The following CUBN variants were observed in gnomAD, a reference collection of about 807,000 sequenced individuals.
CUBN encodes the protein cubilin.
CUBN carries 282 observed loss-of-function variants against 405.3 expected under a neutral mutation model. That is an observed-to-expected ratio of 0.70 (90% CI 0.63 to 0.77). The LOEUF is 0.77. Among genes scored for constraint, CUBN ranks in the 30% least tolerant of loss-of-function variants. CUBN has a pLI of 0.00. For synonymous variants in CUBN, 1,684 were observed against 1,617.0 expected (o/e 1.04, Z -0.99); for missense variants, 4,514 against 4,475.2 (o/e 1.01, Z -0.25).
chr10:16,849,032 T>C (rs1476627779), intron 60 of CUBN, among the ~76,000 whole-genome samples: 2 of 152,062 alleles, frequency 1.3e-5, no homozygotes, highest in Non-Finnish European at 2.9e-5. Flanking sequence ...GAAAGGAGAA[T>C]TAAACTGGAA....
At chr10:17,043,778 C>T in intron 26 of CUBN, 49 bp downstream of exon 26, 1 of 1,582,146 alleles carries the variant, frequency 6.3e-7, no homozygotes, top group Non-Finnish European at 8.6e-7. Context: ...CTGGTATTCA[C>T]ACTTACTCTG....
intron 28 of CUBN, among the ~76,000 whole-genome samples, chr10:17,005,564 TTGTC>T (rs1376749083): frequency 3.3e-5 from 5 of 152,206 alleles, no homozygotes; most frequent in Non-Finnish European, 7.3e-5. Flanking sequence ...TCCCAGATAT[TTGTC>T]TGATCAATTC....
intron 49 of CUBN, 31 bp from the exon 50 acceptor site, chr10:16,906,440 G>C: frequency 6.7e-7 from 1 of 1,484,084 alleles, no homozygotes. Flanking sequence ...AGAGAAAGTA[G>C]TAGTAAGATT....
intron 47 of CUBN, 112 bp from the exon 48 acceptor site, chr10:16,914,104 G>C (rs541524488): frequency 7.2e-5 from 81 of 1,132,788 alleles, no homozygotes; most frequent in Non-Finnish European, 9.8e-5. Context: ...GATAAAATTA[G>C]TCTCCATATT....
At chr10:16,972,711 C>A (rs1434131604) in intron 31 of CUBN, among the ~76,000 whole-genome samples, 2 of 152,028 alleles carry the variant, frequency 1.3e-5, no homozygotes, top group Admixed American at 6.6e-5. Context: ...CAGGTATGAG[C>A]CATCACTCCC....
intron 28 of CUBN, among the ~76,000 whole-genome samples, chr10:17,016,728 C>T (rs930776330): frequency 6.6e-6 from 1 of 151,990 alleles, no homozygotes; most frequent in Non-Finnish European, 1.5e-5. Context: ...TTGCTTATTT[C>T]CTTCTGGGTG....
At chr10:16,883,657 A>G (rs984846405) in intron 56 of CUBN, among the ~76,000 whole-genome samples, 4 of 152,224 alleles carry the variant, frequency 2.6e-5, no homozygotes, top group Non-Finnish European at 5.9e-5. Context: ...TTTCTATTAG[A>G]TATAACCCAT....
At chr10:17,123,921 C>T (rs182027753) in intron 4 of CUBN, among the ~76,000 whole-genome samples, 12 of 152,186 alleles carry the variant, frequency 7.9e-5, no homozygotes, top group African/African-American at 2.4e-4. Context: ...CTTTTGACCA[C>T]GGGTGGGATG....
intron 19 of CUBN, 116 bp from the exon 20 acceptor site, chr10:17,068,886 C>G (rs1258475772): frequency 4.6e-6 from 4 of 875,128 alleles, no homozygotes; most frequent in Non-Finnish European, 5.5e-6. Context: ...AGAATACAAT[C>G]AATTTTAGCA....
chr10:17,004,005 A>G (rs896770711), intron 28 of CUBN, among the ~76,000 whole-genome samples: 2 of 152,346 alleles, frequency 1.3e-5, no homozygotes, highest in African/African-American at 4.8e-5. Context: ...AATCTAGCCC[A>G]GGAGGTCTAC....
In CUBN at chr10:16,899,192, T is replaced by C. The variant is rs368091949; in HGVS notation, c.8411-9A>G. On this transcript the variant is annotated splice_polypyrimidine_tract_variant and intron_variant, in intron 53 of 66. Transcript: ENST00000377833. ...AAATATTCCACCACAACCTGAAATA[T>C]TGCCATGTAAAAAGCCATCAATCAG... is the stretch of plus-strand genomic sequence containing the variant. The C allele has an allele frequency of 2.5e-6, 4 of 1,611,922 alleles. No homozygotes were observed. Among genetic ancestry groups the C allele is most frequent in the Admixed American group, 1.7e-5 (1 of 60,006 alleles).
chr10:16,869,529 A>G, intron 59 of CUBN, 107 bp downstream of exon 59: 1 of 836,834 alleles, frequency 1.2e-6, no homozygotes, highest in Non-Finnish European at 2.0e-6. Context: ...CTAAGCTTCA[A>G]GGAAAAGCAA....
intron 14 of CUBN, among the ~76,000 whole-genome samples, chr10:17,092,597 A>G (rs944169158): frequency 1.3e-5 from 2 of 152,158 alleles, no homozygotes; most frequent in Non-Finnish European, 2.9e-5. Flanking sequence ...GGTCGTCCTC[A>G]CTGCTCACTA....
chr10:17,033,248 TCC>T (rs1834822489), intron 27 of CUBN, among the ~76,000 whole-genome samples: 1 of 152,144 alleles, frequency 6.6e-6, no homozygotes, highest in Admixed American at 6.5e-5. Flanking sequence ...ATCTCAAGCC[TCC>T]TGGCACCTGG....
At chr10:16,928,001 A>C (rs543379620) in intron 41 of CUBN, among the ~76,000 whole-genome samples, 156 bp downstream of exon 41, 199 of 152,296 alleles carry the variant, frequency 1.3e-3, no homozygotes, top group African/African-American at 4.6e-3. Flanking sequence ...CACTGATGTA[A>C]GGGGAGCCAG....
At chr10:17,070,285 T>TCC (rs1392286724) in intron 19 of CUBN, among the ~76,000 whole-genome samples, 2 of 152,248 alleles carry the variant, frequency 1.3e-5, no homozygotes, top group Admixed American at 6.5e-5. Context: ...GTTCTAAGTT[T>TCC]TGAAATCAGG....
At chr10:17,111,101 G>A (rs1836762490) in intron 8 of CUBN, 51 bp from the exon 9 acceptor site, 1 of 1,600,380 alleles carries the variant, frequency 6.2e-7, no homozygotes, top group African/African-American at 1.3e-5. Context: ...AAGTCAACAA[G>A]GAAGAAATAC....
chr10:16,985,697 C>T (rs577819196), intron 29 of CUBN, among the ~76,000 whole-genome samples: 2 of 152,386 alleles, frequency 1.3e-5, no homozygotes, highest in African/African-American at 4.8e-5. Flanking sequence ...TGCATGCTCC[C>T]CCTCCCATAA....
At chr10:16,967,921 G>T (rs1843446671) in intron 31 of CUBN, among the ~76,000 whole-genome samples, 1 of 149,670 alleles carries the variant, frequency 6.7e-6, no homozygotes, top group Admixed American at 6.7e-5. Context: ...GAAAGAGGAA[G>T]AGAGGGAGAG....
Sources: allele counts gnomAD v4.1 joint callset (sites outside exome capture counted in the v4.1 genomes callset), GRCh38; gene constraint gnomAD v4.1.1; transcripts MANE v1.5; gene names NCBI Gene and HGNC (gene_info 2026-07-23, HGNC 2026-07-21).